The following RGS8 variants were observed in gnomAD, a reference collection of about 807,000 sequenced individuals.
RGS8 encodes the protein regulator of G protein signaling 8.
In RGS8, 8 loss-of-function variants were observed where a neutral mutation model predicts 21.7. That is an observed-to-expected ratio of 0.37 (90% CI 0.22 to 0.66). RGS8 has a LOEUF of 0.66. Among genes scored for constraint, RGS8 ranks in the 30% least tolerant of loss-of-function variants. The probability of loss-of-function intolerance (pLI) is 0.59; values close to 1 mark genes in which losing one functional copy is unlikely to be tolerated. For synonymous variants in RGS8, 80 were observed against 83.6 expected (o/e 0.96, Z 0.24); for missense variants, 157 against 217.9 (o/e 0.72, Z 1.76).
chr1:182,732,035 G>A, the RGS8 span, among the ~76,000 whole-genome samples: 1 of 152,138 alleles, frequency 6.6e-6, no homozygotes, highest in Non-Finnish European at 1.5e-5. Context: ...ACTAGGACTA[G>A]GTTATTAGCA....
chr1:182,708,119 G>T, the RGS8 span, among the ~76,000 whole-genome samples: 1 of 152,162 alleles, frequency 6.6e-6, no homozygotes, highest in Non-Finnish European at 1.5e-5. Flanking sequence ...CACAGGGCTC[G>T]TCAGTAGTGC....
the RGS8 span, among the ~76,000 whole-genome samples, chr1:182,748,772 T>G: frequency 6.6e-6 from 1 of 152,166 alleles, no homozygotes; most frequent in East Asian, 1.9e-4. Flanking sequence ...ACTTGTTCTG[T>G]TTTGTCTTTT....
At chr1:182,741,078 C>T in the RGS8 span, among the ~76,000 whole-genome samples, 4 of 151,892 alleles carry the variant, frequency 2.6e-5, no homozygotes, top group Admixed American at 2.6e-4. Flanking sequence ...GGTACACCTC[C>T]CAGACGGGGT....
chr1:182,654,568 G>T (rs538151), intron 5 of RGS8, among the ~76,000 whole-genome samples: 1 of 152,278 alleles, frequency 6.6e-6, no homozygotes, highest in East Asian at 1.9e-4. Context: ...GAATTTAGAG[G>T]CTAGTCTAGT....
chr1:182,672,838 G>C (rs1489669635), upstream of RGS8: 1 of 1,613,866 alleles, frequency 6.2e-7, no homozygotes, highest in Non-Finnish European at 8.5e-7. Flanking sequence ...TCTTCACACT[G>C]CCTGCTTCAG....
At chr1:182,746,563 T>A in the RGS8 span, among the ~76,000 whole-genome samples, 90,757 of 151,356 alleles carry the variant, frequency 0.6, 27,291 homozygotes, top group Non-Finnish European at 0.62. Context: ...ACTACATAAG[T>A]ATCACTTGAA....
At chr1:182,737,015 G>C in the RGS8 span, among the ~76,000 whole-genome samples, 1 of 151,966 alleles carries the variant, frequency 6.6e-6, no homozygotes, top group Non-Finnish European at 1.5e-5. Context: ...CAATTTCACC[G>C]GGCCCAAAAT....
the RGS8 span, among the ~76,000 whole-genome samples, chr1:182,715,705 C>T: frequency 1.3e-5 from 2 of 152,126 alleles, no homozygotes; most frequent in African/African-American, 4.8e-5. Flanking sequence ...AATCATGACC[C>T]ATCTGCCAGC....
At chr1:182,694,066 C>T in the RGS8 span, among the ~76,000 whole-genome samples, 1 of 152,082 alleles carries the variant, frequency 6.6e-6, no homozygotes, top group African/African-American at 2.4e-5. Context: ...ACACCAAACC[C>T]CCACGACACA....
chr1:182,749,772 G>C, the RGS8 span, among the ~76,000 whole-genome samples: 1 of 152,146 alleles, frequency 6.6e-6, no homozygotes, highest in African/African-American at 2.4e-5. Flanking sequence ...AGAACATGCA[G>C]GTTTGTTACA....
chr1:182,691,802 C>G, the RGS8 span, among the ~76,000 whole-genome samples: 1 of 151,888 alleles, frequency 6.6e-6, no homozygotes, highest in Admixed American at 6.6e-5. Context: ...CAACATAGTA[C>G]TAGAAGTCCT....
chr1:182,678,233 C>T (rs528085459), intron 1 of RGS8, among the ~76,000 whole-genome samples: 8 of 152,224 alleles, frequency 5.3e-5, no homozygotes, highest in Non-Finnish European at 1.0e-4. Context: ...GTGGTAGGTA[C>T]GTAGGGACTC....
the RGS8 span, among the ~76,000 whole-genome samples, chr1:182,750,422 A>G: frequency 6.6e-6 from 1 of 152,298 alleles, no homozygotes; most frequent in Non-Finnish European, 1.5e-5. Context: ...TTCTTTCTTT[A>G]TAATCAACAG....
the RGS8 span, among the ~76,000 whole-genome samples, chr1:182,707,750 A>G: frequency 1.3e-5 from 2 of 152,184 alleles, no homozygotes; most frequent in Non-Finnish European, 2.9e-5. Flanking sequence ...TCTGTCGCCC[A>G]GGCTGGAGTG....
chr1:182,740,548 GTTTTTTT>G, the RGS8 span, among the ~76,000 whole-genome samples: 188 of 75,976 alleles, frequency 2.5e-3, no homozygotes, highest in African/African-American at 7.4e-3. Context: ...TTGTTTGTTT[GTTTTTTT>G]TTTTTTTTTT....
chr1:182,683,627 CAAAA>C (rs397863359), intron 1 of RGS8, among the ~76,000 whole-genome samples: 5 of 60,662 alleles, frequency 8.2e-5, no homozygotes, highest in Non-Finnish European at 7.7e-5. Flanking sequence ...TCCCAGTGCT[CAAAA>C]AAAAAAAAAA....
the RGS8 span, among the ~76,000 whole-genome samples, chr1:182,719,585 T>C: frequency 2.0e-5 from 3 of 151,444 alleles, no homozygotes; most frequent in Non-Finnish European, 4.4e-5. Context: ...CGCATACCAC[T>C]GCACCCTGCT....
the RGS8 span, among the ~76,000 whole-genome samples, chr1:182,741,920 G>C: frequency 1.4e-5 from 2 of 146,426 alleles, no homozygotes; most frequent in African/African-American, 5.0e-5. Flanking sequence ...TGGCTGCCGG[G>C]CGGAGACGCT....
At chr1:182,685,131 A>C (rs1571361644), upstream of RGS8, among the ~76,000 whole-genome samples, 1 of 151,308 alleles carries the variant, frequency 6.6e-6, no homozygotes, top group Middle Eastern at 3.4e-3. Context: ...AGTGTAATGC[A>C]TGAAATGTTC....
Sources: allele counts gnomAD v4.1 joint callset (sites outside exome capture counted in the v4.1 genomes callset), GRCh38; gene constraint gnomAD v4.1.1; transcripts MANE v1.5; gene names NCBI Gene and HGNC (gene_info 2026-07-23, HGNC 2026-07-21).